CHRM2: variants seen among roughly 807,000 people sequenced by gnomAD.
The protein encoded by CHRM2 is muscarinic acetylcholine receptor M2.
Under a neutral mutation model 25.0 loss-of-function variants are expected in CHRM2, and 8 were observed. That is an observed-to-expected ratio of 0.32 (90% CI 0.19 to 0.58). The LOEUF is 0.58. Among genes scored for constraint, CHRM2 ranks in the 20% least tolerant of loss-of-function variants. The pLI is 0.88. For missense variants in CHRM2, 440 were observed against 567.1 expected, an observed-to-expected ratio of 0.78 and a Z score of 2.28; for synonymous variants, 202 against 205.7, an observed-to-expected ratio of 0.98 and a Z score of 0.15.
At chr7:136,875,982 C>T (rs983907167) in intron 2 of CHRM2, among the ~76,000 whole-genome samples, 4 of 152,112 alleles carry the variant, frequency 2.6e-5, no homozygotes, top group African/African-American at 9.7e-5. Flanking sequence ...AGCCATTCCT[C>T]AAACTAATAA....
At position 136,909,080 on chromosome 7, in the gene CHRM2, A is replaced by G. The variant is rs537529803; in HGVS notation, c.-125+39662A>G. Among the ~76,000 whole-genome samples, 27 of 152,030 alleles carry G rather than the reference A, an allele frequency of 1.8e-4. No homozygotes were observed. In the East Asian group the frequency reaches 2.7e-3, roughly 15 times the overall value. ...TTTTGTGTGCTAGTTATGTGATAAT[A>G]TGTTTCATATGCTGATCAGTCAGGG... On this transcript the variant is annotated intron_variant, in intron 2 of 3. Coordinates refer to ENST00000680005, the MANE Select transcript of CHRM2 (RefSeq NM_001006630.2).
intron 2 of CHRM2, among the ~76,000 whole-genome samples, chr7:136,936,542 GATCA>G (rs1799422352): frequency 6.6e-6 from 1 of 152,124 alleles, no homozygotes; most frequent in South Asian, 2.1e-4. Context: ...GCAGATCACA[GATCA>G]GTCACAGATA....
At chr7:136,960,151 G>T (rs1262196968) in intron 2 of CHRM2, among the ~76,000 whole-genome samples, 1 of 152,170 alleles carries the variant, frequency 6.6e-6, no homozygotes, top group African/African-American at 2.4e-5. Flanking sequence ...TTTACCAGTG[G>T]TCAATGGCAG....
chr7:136,992,082 C>T (rs2131022017), intron 2 of CHRM2, 105 bp from the exon 3 acceptor site: 1 of 152,202 alleles, frequency 6.6e-6, no homozygotes, highest in East Asian at 1.9e-4. Flanking sequence ...CTCAAGAATT[C>T]CAGTTTAGGA....
intron 3 of CHRM2, among the ~76,000 whole-genome samples, chr7:136,995,818 G>C (rs1803561118): frequency 6.6e-6 from 1 of 151,386 alleles, no homozygotes; most frequent in Admixed American, 6.6e-5. Context: ...TAAGGATAAA[G>C]GGATTCACAG....
At chr7:136,919,198 G>C (rs980154116) in intron 2 of CHRM2, among the ~76,000 whole-genome samples, 2 of 152,060 alleles carry the variant, frequency 1.3e-5, no homozygotes, top group African/African-American at 4.8e-5. Flanking sequence ...GGGAAGAAAT[G>C]ACATTCACAG....
At chr7:137,000,194 C>CTTTTTTTTTTTTTTTTTT (rs57283576) in intron 3 of CHRM2, among the ~76,000 whole-genome samples, 7 of 73,336 alleles carry the variant, frequency 9.5e-5, no homozygotes, top group Non-Finnish European at 1.7e-4. Flanking sequence ...CTTTTTCTTT[C>CTTTTTTTTTTTTTTTTTT]TTTTTTTTTT....
At chr7:136,924,839 C>T (rs372607608) in intron 2 of CHRM2, among the ~76,000 whole-genome samples, 1 of 152,124 alleles carries the variant, frequency 6.6e-6, no homozygotes, top group Non-Finnish European at 1.5e-5. Context: ...AACTTTCATC[C>T]GTTTTTCATG....
At chr7:136,947,703 A>G (rs1378678468) in intron 2 of CHRM2, among the ~76,000 whole-genome samples, 1 of 152,170 alleles carries the variant, frequency 6.6e-6, no homozygotes, top group East Asian at 1.9e-4. Flanking sequence ...TTTATAATTT[A>G]CAGATCAAAA....
chr7:136,910,454 T>A (rs1414769079), intron 2 of CHRM2, among the ~76,000 whole-genome samples: 2 of 151,918 alleles, frequency 1.3e-5, no homozygotes, highest in African/African-American at 4.8e-5. Flanking sequence ...AAGGCCCTTA[T>A]ATGAAAGCAC....
intron 2 of CHRM2, among the ~76,000 whole-genome samples, chr7:136,958,745 C>A (rs1200292715): frequency 2.6e-5 from 4 of 152,142 alleles, no homozygotes; most frequent in African/African-American, 9.7e-5. Flanking sequence ...GTGTGAGCCA[C>A]CATGTCTAGC....
At chr7:136,909,025 G>A (rs749735371) in intron 2 of CHRM2, among the ~76,000 whole-genome samples, 9 of 151,794 alleles carry the variant, frequency 5.9e-5, no homozygotes, top group Non-Finnish European at 1.2e-4. Flanking sequence ...ATGAGTTGAC[G>A]AGTCTTTGCT....
At chr7:136,879,865 G>A (rs1270139418) in intron 2 of CHRM2, among the ~76,000 whole-genome samples, 1 of 151,734 alleles carries the variant, frequency 6.6e-6, no homozygotes, top group East Asian at 1.9e-4. Flanking sequence ...TTTTTAGCAA[G>A]TTTTCATATT....
chr7:136,957,561 T>C (rs956447461), intron 2 of CHRM2, among the ~76,000 whole-genome samples: 3 of 152,196 alleles, frequency 2.0e-5, no homozygotes, highest in African/African-American at 7.2e-5. Flanking sequence ...TATTACTCAG[T>C]GACACTCGAG....
chr7:136,947,157 A>C (rs1177148459), intron 2 of CHRM2, among the ~76,000 whole-genome samples: 2 of 152,222 alleles, frequency 1.3e-5, no homozygotes, highest in East Asian at 3.8e-4. Context: ...CCTATGTCCA[A>C]GGCCAGCAAA....
chr7:136,897,399 TA>T (rs1270387691), intron 2 of CHRM2, among the ~76,000 whole-genome samples: 1 of 152,042 alleles, frequency 6.6e-6, no homozygotes, highest in African/African-American at 2.4e-5. Flanking sequence ...CATTTAAAAA[TA>T]AACGGTTTAT....
intron 2 of CHRM2, among the ~76,000 whole-genome samples, chr7:136,964,530 C>T (rs1203717317): frequency 1.3e-5 from 2 of 152,186 alleles, no homozygotes; most frequent in African/African-American, 4.8e-5. Flanking sequence ...ATTACGAGAC[C>T]AGTCAGCATT....
Position 137,015,080 on chromosome 7 carries a change from T to C in CHRM2, c.215T>C (p.Ile72Thr). Residue 72 changes from isoleucine (I) to threonine (T), a missense_variant, in exon 4 of 4, where the codon ATA (isoleucine) becomes ACA (threonine). Transcript: ENST00000680005. The surrounding 1 kb of genome is among the most constrained non-coding windows in gnomAD (Gnocchi z 5.1). Reference sequence around the variant, plus strand: ...AGCTTGGCCTGTGCTGACCTTATCATAGGTGTTTTCTCCATGAACTTGTAC... The same window carrying C: ...AGCTTGGCCTGTGCTGACCTTATCACAGGTGTTTTCTCCATGAACTTGTAC... ...LFSLACADLI[I>T]GVFSMNLYTL... The C allele has an allele frequency of 6.2e-7, 1 of 1,613,514 alleles. No homozygotes were observed. The highest frequency in any genetic ancestry group is 8.5e-7 in the Non-Finnish European group (1 of 1,179,624).
At chr7:136,987,077 C>T (rs1446496698) in intron 2 of CHRM2, among the ~76,000 whole-genome samples, 5 of 152,166 alleles carry the variant, frequency 3.3e-5, no homozygotes, top group African/African-American at 1.2e-4. Context: ...ACTCTAATGT[C>T]CTCAACAGTT....
Sources: allele counts gnomAD v4.1 joint callset (sites outside exome capture counted in the v4.1 genomes callset), GRCh38; gene constraint gnomAD v4.1.1; non-coding constraint Gnocchi (gnomAD v3.1); transcripts MANE v1.5; gene names NCBI Gene and HGNC (gene_info 2026-07-23, HGNC 2026-07-21).